The following ZNF469 variants were observed in gnomAD, a reference collection of about 807,000 sequenced individuals.
ZNF469 encodes zinc finger protein 469.
A neutral mutation model predicts 1.0 loss-of-function variants in ZNF469; 1 was observed. That is an observed-to-expected ratio of 1.00 (90% CI 0.35 to 4.73). ZNF469 has a LOEUF of 4.73. ZNF469 is among the 30% of genes most tolerant of loss of function. The probability of loss-of-function intolerance (pLI) is 0.16; values close to 1 mark genes in which losing one functional copy is unlikely to be tolerated. For missense variants in ZNF469, 6,100 were observed against 5,356.3 expected (o/e 1.14, Z -4.33); for synonymous variants, 2,703 against 2,363.4 (o/e 1.14, Z -4.17).
the ZNF469 span, among the ~76,000 whole-genome samples, chr16:88,130,680 T>C: frequency 7.5e-6 from 1 of 133,620 alleles, no homozygotes; most frequent in Non-Finnish European, 1.5e-5. Flanking sequence ...CACTCCAGCC[T>C]GGGCCACAAG....
chr16:88,229,318 C>A, the ZNF469 span, among the ~76,000 whole-genome samples: 3 of 152,222 alleles, frequency 2.0e-5, no homozygotes, highest in Admixed American at 6.5e-5. Flanking sequence ...GCGGCAGGAA[C>A]CTGCCACTCC....
chr16:88,430,353 C>T lies in ZNF469; in HGVS notation c.2883C>T (p.Gly961=). 4 of 1,512,434 alleles carry T rather than the reference C, an allele frequency of 2.6e-6. No individual in the cohort carries two copies. The highest frequency in any genetic ancestry group is 1.4e-5 in the African/African-American group (1 of 72,342). 93.7% of individuals were successfully genotyped at this position (1,512,434 alleles called of 1,614,324 possible). A position where few individuals can be genotyped will look rare whatever the true frequency, so the allele number is the denominator to read the frequency against. Residue 961 remains glycine (G), a synonymous_variant, in exon 3 of 3, where the codon GGC becomes GGT. Coordinates refer to ENST00000565624, the MANE Select transcript of ZNF469 (RefSeq NM_001367624.2). ...LKLFRKDLDS[G]GAAEGSGSGG... is the part of the protein sequence containing the mutation. ...TGTTCCGGAAGGATCTGGACTCGGG[C>T]GGCGCAGCAGAGGGGTCGGGGTCGG...
At chr16:88,241,961 CT>C in the ZNF469 span, among the ~76,000 whole-genome samples, 1 of 152,204 alleles carries the variant, frequency 6.6e-6, no homozygotes, top group Non-Finnish European at 1.5e-5. The surrounding 1 kb of genome is among the most constrained non-coding windows in gnomAD (Gnocchi z 4.8). Context: ...CTGTTTCCCG[CT>C]GCTGTGCAGA....
the ZNF469 span, among the ~76,000 whole-genome samples, chr16:88,116,463 A>T: frequency 6.6e-6 from 1 of 152,220 alleles, no homozygotes; most frequent in Non-Finnish European, 1.5e-5. Flanking sequence ...ACCCAAAAGT[A>T]AACACCCGAC....
At chr16:88,381,556 T>C (rs1386174461), upstream of ZNF469, among the ~76,000 whole-genome samples, 3 of 152,244 alleles carry the variant, frequency 2.0e-5, no homozygotes, top group Non-Finnish European at 4.4e-5. Context: ...CTTGAAACTT[T>C]AGGAAACCCG....
At chr16:88,243,567 G>C in the ZNF469 span, among the ~76,000 whole-genome samples, 398 of 152,250 alleles carry the variant, frequency 2.6e-3, 2 homozygotes, top group African/African-American at 9.2e-3. Context: ...AGAGGGAGTA[G>C]AGCATCTCCT....
chr16:88,322,938 C>T, the ZNF469 span, among the ~76,000 whole-genome samples: 1 of 152,188 alleles, frequency 6.6e-6, no homozygotes, highest in African/African-American at 2.4e-5. Context: ...TGACAGCTCT[C>T]GGCTCCTCCT....
rs752039388 is a variant in ZNF469 at position 88,424,745 on chromosome 16, G to C, written c.-191-62G>C. On this transcript the variant is annotated intron_variant, in intron 1 of 2. Transcript: ENST00000565624. The surrounding 1 kb of genome is among the most constrained non-coding windows in gnomAD (Gnocchi z 4.3). ...GCTCCCTCCCACCTGGCTTCTCCTC[G>C]GGCTCTTGGTCCAGAGCCATGCACC... Among the ~76,000 whole-genome samples the C allele has an allele frequency of 6.6e-6, 1 of 152,048 alleles. No individual in the cohort carries two copies. Among genetic ancestry groups the C allele is most frequent in the South Asian group, 2.1e-4 (1 of 4,816 alleles).
At chr16:88,318,235 C>A in the ZNF469 span, among the ~76,000 whole-genome samples, 2 of 152,206 alleles carry the variant, frequency 1.3e-5, no homozygotes, top group Non-Finnish European at 2.9e-5. Context: ...CATGGAGCTG[C>A]GGCTGTGGCT....
the ZNF469 span, among the ~76,000 whole-genome samples, chr16:88,122,697 A>T: frequency 6.6e-6 from 1 of 152,186 alleles, no homozygotes. Flanking sequence ...GAGGATTTGT[A>T]CACATATTTG....
At chr16:88,387,709 A>G (rs1395037533) in intron 1 of ZNF469, among the ~76,000 whole-genome samples, 1 of 152,204 alleles carries the variant, frequency 6.6e-6, no homozygotes, top group Non-Finnish European at 1.5e-5. Context: ...CCCGCAGGCC[A>G]GGCTGAGAAG....
chr16:88,293,771 C>G, the ZNF469 span, among the ~76,000 whole-genome samples: 7 of 152,270 alleles, frequency 4.6e-5, no homozygotes, highest in East Asian at 1.4e-3. Context: ...TCAAATAAGT[C>G]TACAGTGTCC....
At chr16:88,242,885 G>A in the ZNF469 span, among the ~76,000 whole-genome samples, 13 of 152,182 alleles carry the variant, frequency 8.5e-5, no homozygotes, top group African/African-American at 1.2e-4. Flanking sequence ...CCAGGGCTTC[G>A]GAAGGAGCTA....
At chr16:88,156,127 C>T in the ZNF469 span, among the ~76,000 whole-genome samples, 8 of 152,154 alleles carry the variant, frequency 5.3e-5, no homozygotes, top group Admixed American at 2.6e-4. Flanking sequence ...TGTAGAGGTG[C>T]TTCATATAGT....
the ZNF469 span, among the ~76,000 whole-genome samples, chr16:88,141,584 C>T: frequency 3.3e-5 from 3 of 91,128 alleles, 1 homozygote; most frequent in Admixed American, 2.3e-4. Flanking sequence ...TCCTGGTCCC[C>T]GGAGCCTGCT....
At chr16:88,416,432 C>A (rs1025624713) in intron 1 of ZNF469, among the ~76,000 whole-genome samples, 1 of 152,186 alleles carries the variant, frequency 6.6e-6, no homozygotes, top group Non-Finnish European at 1.5e-5. Flanking sequence ...CCAGGCCTCC[C>A]GTCCTACCTC....
the ZNF469 span, among the ~76,000 whole-genome samples, chr16:88,330,165 C>G: frequency 6.6e-6 from 1 of 152,242 alleles, no homozygotes; most frequent in East Asian, 1.9e-4. Flanking sequence ...GTCATCACCC[C>G]TAGGCAATGG....
chr16:88,339,234 AG>A, the ZNF469 span, among the ~76,000 whole-genome samples: 2 of 59,606 alleles, frequency 3.4e-5, no homozygotes, highest in African/African-American at 1.5e-4. Flanking sequence ...ATAGGATAGC[AG>A]GGGATAGGAT....
At chr16:88,132,623 T>C in the ZNF469 span, among the ~76,000 whole-genome samples, 1 of 152,172 alleles carries the variant, frequency 6.6e-6, no homozygotes, top group Non-Finnish European at 1.5e-5. Flanking sequence ...AGAATCCATA[T>C]CACATTCTTT....
Sources: allele counts gnomAD v4.1 joint callset (sites outside exome capture counted in the v4.1 genomes callset), GRCh38; gene constraint gnomAD v4.1.1; non-coding constraint Gnocchi (gnomAD v3.1); transcripts MANE v1.5; gene names NCBI Gene and HGNC (gene_info 2026-07-23, HGNC 2026-07-21).